The following GRIN2B variants were observed in gnomAD, a reference collection of about 807,000 sequenced individuals.
The protein encoded by GRIN2B is glutamate ionotropic receptor NMDA type subunit 2B.
GRIN2B carries 5 observed loss-of-function variants against 114.5 expected under a neutral mutation model. The ratio of observed to expected loss-of-function variants is 0.04; its 90% CI spans 0.02 to 0.09. The LOEUF (loss-of-function observed/expected upper bound fraction) is 0.09, where lower values mean the gene tolerates loss of function less well. Among genes scored for constraint, GRIN2B ranks in the 10% least tolerant of loss-of-function variants. The probability of loss-of-function intolerance (pLI) is 1.00; values close to 1 mark genes in which losing one functional copy is unlikely to be tolerated. For missense variants in GRIN2B, 1,108 were observed against 1,943.5 expected, an observed-to-expected ratio of 0.57 and a Z score of 8.08; for synonymous variants, 787 against 745.1, an observed-to-expected ratio of 1.06 and a Z score of -0.92.
At chr12:13,858,901 T>A (rs1382413192) in intron 3 of GRIN2B, among the ~76,000 whole-genome samples, 2 of 152,228 alleles carry the variant, frequency 1.3e-5, no homozygotes, top group African/African-American at 4.8e-5. Flanking sequence ...AGCTGTTGTT[T>A]ATCCACCATG....
rs374026869 is a variant in GRIN2B at position 13,967,044 on chromosome 12, G to C, written c.-19+12884C>G. Among the ~76,000 whole-genome samples, 3 of 152,282 alleles carry C rather than the reference G, an allele frequency of 2.0e-5. No homozygotes were observed. In the East Asian group the frequency reaches 5.8e-4, roughly 29 times the overall value. ...AGCAGGGAAAATGTAAAAAACCCAA[G>C]ATGACAGCAAGGAGCTGAGGAAGTA... On this transcript the variant is annotated intron_variant, in intron 2 of 13. Transcript: ENST00000609686.
intron 3 of GRIN2B, among the ~76,000 whole-genome samples, chr12:13,834,701 T>G (rs1332542504): frequency 6.6e-6 from 1 of 152,232 alleles, no homozygotes; most frequent in East Asian, 1.9e-4. Flanking sequence ...GAGAATTTTG[T>G]GCCTTTTGTC....
intron 10 of GRIN2B, among the ~76,000 whole-genome samples, chr12:13,579,570 TATCATCATCATTGTC>T (rs1337271511): frequency 6.6e-6 from 1 of 152,248 alleles, no homozygotes; most frequent in Non-Finnish European, 1.5e-5. Flanking sequence ...TCATTATTAC[TATCATCATCATTGTC>T]ATCATCATCT....
chr12:13,651,904 G>A (rs1949816893), intron 5 of GRIN2B, among the ~76,000 whole-genome samples: 2 of 152,084 alleles, frequency 1.3e-5, no homozygotes, highest in African/African-American at 4.8e-5. Flanking sequence ...TATTTATCCA[G>A]TAAGATGAGT....
At chr12:13,856,779 A>C in intron 3 of GRIN2B, among the ~76,000 whole-genome samples, 1 of 151,284 alleles carries the variant, frequency 6.6e-6, no homozygotes, top group Non-Finnish European at 1.5e-5. Context: ...TCCACTGTTC[A>C]CTCTGAGCCA....
At chr12:13,567,451 A>C (rs1948655910) in intron 12 of GRIN2B, among the ~76,000 whole-genome samples, 188 bp from the exon 13 acceptor site, 1 of 152,268 alleles carries the variant, frequency 6.6e-6, no homozygotes, top group Non-Finnish European at 1.5e-5. Context: ...ATATTAATTC[A>C]TCAACGTACT....
At position 13,544,849 on chromosome 12, in the gene GRIN2B, G is replaced by A. The variant is rs56297231; in HGVS notation, c.*17934C>T. On this transcript the variant is annotated 3_prime_UTR_variant, in exon 14 of 14. Transcript: ENST00000609686. ...GGATTATTGCAAGAGCTTCCTAACC[G>A]GTCTTTCAGCCGCTTCCATTGTCTG... 0.058 allele frequency: 8,804 copies of A among 152,222 alleles called. 361 individuals carry two copies. The highest frequency in any genetic ancestry group is 0.2 in the East Asian group (1,030 of 5,162). The allele number at this position is 152,222 out of a possible 1,614,324, so 9.4% of individuals were successfully genotyped here.
chr12:13,598,154 G>A (rs1468089555), intron 10 of GRIN2B, among the ~76,000 whole-genome samples: 1 of 152,214 alleles, frequency 6.6e-6, no homozygotes, highest in African/African-American at 2.4e-5. Flanking sequence ...TCCTTGCCAG[G>A]CAAGTTCTGG....
chr12:13,848,725 A>G (rs773966011), intron 3 of GRIN2B, among the ~76,000 whole-genome samples: 23 of 152,168 alleles, frequency 1.5e-4, no homozygotes, highest in Non-Finnish European at 2.8e-4. Flanking sequence ...TAACAGCTTC[A>G]GAAGCCCCCA....
rs57007962 is a variant in GRIN2B, at chr12:13,827,229, C to CTTTTT, written c.411+38564_411+38568dup. ...TTATAATGTGCCTTATTGTTGTTTT[C>CTTTTT]TTTTTTTTTTTTTTTTGAGTTTGGG... On this transcript the variant is annotated intron_variant, in intron 3 of 13. Coordinates refer to ENST00000609686, the MANE Select transcript of GRIN2B (RefSeq NM_000834.5). 8.2e-4 allele frequency among the ~76,000 whole-genome samples: 81 copies of CTTTTT among 98,632 alleles called. 3 individuals are homozygous for CTTTTT. Among genetic ancestry groups the CTTTTT allele is most frequent in the African/African-American group, 2.7e-3 (66 of 24,230 alleles). The allele number at this position is 98,632 out of a possible 152,430, so 64.7% of individuals were successfully genotyped here. A position where few individuals can be genotyped will look rare whatever the true frequency, so the allele number is the denominator to read the frequency against.
intron 3 of GRIN2B, among the ~76,000 whole-genome samples, chr12:13,781,047 G>GA (rs963250871): frequency 1.2e-4 from 19 of 152,102 alleles, no homozygotes; most frequent in Admixed American, 2.6e-4. Context: ...AGTTCTGGTA[G>GA]AAAAAATAAA....
chr12:13,609,539 C>T (rs896486360), intron 9 of GRIN2B, among the ~76,000 whole-genome samples: 41 of 151,980 alleles, frequency 2.7e-4, no homozygotes, highest in African/African-American at 8.0e-4. Context: ...TTTGGGAGGC[C>T]GAGGTGGGCG....
chr12:13,711,317 G>A (rs1401662382), intron 4 of GRIN2B, among the ~76,000 whole-genome samples: 1 of 151,936 alleles, frequency 6.6e-6, no homozygotes, highest in Non-Finnish European at 1.5e-5. Context: ...CATAGGCATG[G>A]GCAAGTACTT....
chr12:13,821,111 T>G (rs1028611850), intron 3 of GRIN2B, among the ~76,000 whole-genome samples: 2 of 152,046 alleles, frequency 1.3e-5, no homozygotes, highest in Non-Finnish European at 2.9e-5. Flanking sequence ...CCTCTGCTCA[T>G]GCTGTTCCAT....
chr12:13,629,285 T>C (rs550323016), intron 5 of GRIN2B, among the ~76,000 whole-genome samples: 10 of 152,358 alleles, frequency 6.6e-5, no homozygotes, highest in East Asian at 1.9e-4. Flanking sequence ...TTCTAGACTA[T>C]AGGCTCCCAA....
chr12:13,682,018 G>T (rs1327328854), intron 4 of GRIN2B, among the ~76,000 whole-genome samples: 2 of 152,236 alleles, frequency 1.3e-5, no homozygotes, highest in South Asian at 2.1e-4. Context: ...ACTTTTAAAA[G>T]CTACCTAATT....
At chr12:13,783,783 C>T (rs76824334) in intron 3 of GRIN2B, among the ~76,000 whole-genome samples, 1 of 152,074 alleles carries the variant, frequency 6.6e-6, no homozygotes, top group African/African-American at 2.4e-5. Context: ...CTGCTCCAAG[C>T]AGCAGAACTC....
rs1949282935 is a variant in GRIN2B, at chr12:13,607,357, A to G, written c.2010+1246T>C. Among the ~76,000 whole-genome samples the G allele has an allele frequency of 2.3e-4, 10 of 43,062 alleles. 1 individual carries two copies. The highest frequency in any genetic ancestry group is 2.1e-3 in the South Asian group (5 of 2,364). The allele number at this position is 43,062 out of a possible 152,430, so 28.3% of individuals were successfully genotyped here. On this transcript the variant is annotated intron_variant, in intron 10 of 13. Coordinates refer to ENST00000609686, the MANE Select transcript of GRIN2B (RefSeq NM_000834.5). ...ATATTATATATAATATATAAAATAT[A>G]TAATATATATTATATATTATATATA...
intron 4 of GRIN2B, among the ~76,000 whole-genome samples, chr12:13,741,066 G>C (rs568050822): frequency 5.9e-5 from 9 of 152,214 alleles, no homozygotes; most frequent in African/African-American, 2.2e-4. Context: ...TATTGCGATG[G>C]AGTCTCACTC....
Sources: allele counts gnomAD v4.1 joint callset (sites outside exome capture counted in the v4.1 genomes callset), GRCh38; gene constraint gnomAD v4.1.1; transcripts MANE v1.5; gene names NCBI Gene and HGNC (gene_info 2026-07-23, HGNC 2026-07-21).